The following RDH10 variants were observed in gnomAD, a reference collection of about 807,000 sequenced individuals.
The protein encoded by RDH10 is retinol dehydrogenase 10, also known as retinol dehydrogenase 10 (all-trans).
RDH10 carries 12 observed loss-of-function variants against 30.2 expected under a neutral mutation model. The ratio of observed to expected loss-of-function variants is 0.40; its 90% CI spans 0.25 to 0.64. RDH10 has a LOEUF of 0.64. RDH10 is among the 30% of genes least tolerant of loss of function. The pLI is 0.43. For missense variants in RDH10, 268 were observed against 445.2 expected (o/e 0.60, Z 3.58); for synonymous variants, 189 against 172.2 (o/e 1.10, Z -0.76).
At chr8:73,300,427 T>C (rs1417728899) in intron 2 of RDH10, 1 of 149,934 alleles carries the variant, frequency 6.7e-6, no homozygotes, top group African/African-American at 2.4e-5. Context: ...ATGTGCTGTT[T>C]TCCTTCTAGA....
At chr8:73,298,260 A>C (rs980119469) in intron 2 of RDH10, among the ~76,000 whole-genome samples, 2 of 152,170 alleles carry the variant, frequency 1.3e-5, no homozygotes, top group African/African-American at 4.8e-5. Flanking sequence ...TTGTAGACAG[A>C]TACGATTCAA....
At chr8:73,297,046 T>C in intron 1 of RDH10, 148 bp from the exon 2 acceptor site, 1 of 629,178 alleles carries the variant, frequency 1.6e-6, no homozygotes, top group East Asian at 2.8e-5. Flanking sequence ...AGCTCAGTCG[T>C]TGGCAAGCCT....
chr8:73,322,053 C>T (rs535065781), intron 4 of RDH10: 25 of 454,302 alleles, frequency 5.5e-5, no homozygotes, highest in Non-Finnish European at 1.1e-4. Context: ...CTGTTTCCTC[C>T]AGTGTAGCAT....
intron 2 of RDH10, among the ~76,000 whole-genome samples, chr8:73,310,496 C>T (rs1814545553): frequency 6.6e-6 from 1 of 152,206 alleles, no homozygotes; most frequent in Admixed American, 6.5e-5. Context: ...CTGCAGATGG[C>T]CGGAGCAGTG....
intron 2 of RDH10, chr8:73,311,579 T>C (rs1814563660): frequency 6.6e-6 from 1 of 152,244 alleles, no homozygotes. Context: ...TGTTAAGTAC[T>C]AACTGCTGAT....
chr8:73,310,037 T>A (rs1814535935), intron 2 of RDH10, among the ~76,000 whole-genome samples: 1 of 152,226 alleles, frequency 6.6e-6, no homozygotes, highest in Non-Finnish European at 1.5e-5. Context: ...TGCCTGATTC[T>A]CCCATTGGAG....
At chr8:73,314,692 G>T (rs1814629367) in intron 2 of RDH10, among the ~76,000 whole-genome samples, 1 of 152,200 alleles carries the variant, frequency 6.6e-6, no homozygotes, top group African/African-American at 2.4e-5. Context: ...AGCGGCCCTG[G>T]ATAGCTTTCT....
Position 73,297,416 on chromosome 8 carries a change from A to G in RDH10, c.512A>G (p.His171Arg). The change falls in exon 2 of 6, where the codon CAT becomes CGT. Residue 171 changes from histidine (H) to arginine (R), a missense_variant. His to Arg is a conservative substitution (Grantham distance 29). This residue lies in a region of RDH10 where 136 missense variants were observed against 288.8 expected (regional missense o/e 0.47). Transcript: ENST00000240285. ...GAGAGAACCATGATGGTCAATTGCCATGCACACTTCTGGGTAAATATAAAC... is the reference window on the plus strand; with the variant it reads ...GAGAGAACCATGATGGTCAATTGCCGTGCACACTTCTGGGTAAATATAAAC... ...LIERTMMVNC[H>R]AHFWTTKAFL... The G allele has an allele frequency of 6.2e-7, 1 of 1,607,218 alleles. No homozygotes were observed. Among genetic ancestry groups the G allele is most frequent in the Non-Finnish European group, 8.5e-7 (1 of 1,173,646 alleles).
At chr8:73,320,860 A>T in intron 3 of RDH10, 72 bp from the exon 4 acceptor site, 3 of 1,460,144 alleles carry the variant, frequency 2.1e-6, no homozygotes, top group Non-Finnish European at 2.9e-6. Flanking sequence ...TAATAGGACC[A>T]GGGAAGCTTT....
At chr8:73,312,482 C>T (rs1814580699) in intron 2 of RDH10, 1 of 152,224 alleles carries the variant, frequency 6.6e-6, no homozygotes, top group Non-Finnish European at 1.5e-5. Flanking sequence ...GGAACAGTGA[C>T]TGAGTTCTCA....
At position 73,322,797 on chromosome 8, in the gene RDH10, A is replaced by G. The variant is rs1814793276; in HGVS notation, c.889A>G (p.Thr297Ala). ...CACTCCCCGCCTCATGTACATCGTG[A>G]CCTTCATGAAGAGGTAACTGGGAGG... ...ICTPRLMYIVTFMKSILPFEA... is the reference protein window; with the variant it reads ...ICTPRLMYIVAFMKSILPFEA... The change falls in exon 5 of 6, where the codon ACC becomes GCC. Residue 297 changes from threonine (T) to alanine (A), a missense_variant. Transcript: ENST00000240285. 1 of 1,614,148 alleles carries G rather than the reference A, an allele frequency of 6.2e-7. No homozygotes were observed. The highest frequency in any genetic ancestry group is 1.6e-4 in the Middle Eastern group (1 of 6,062).
At chr8:73,305,714 G>C (rs1018312698) in intron 2 of RDH10, among the ~76,000 whole-genome samples, 1 of 152,132 alleles carries the variant, frequency 6.6e-6, no homozygotes, top group South Asian at 2.1e-4. Flanking sequence ...GTTCCACTAG[G>C]GGGTGTACTG....
chr8:73,315,925 CAAT>C (rs565988911), intron 2 of RDH10, among the ~76,000 whole-genome samples: 45 of 152,276 alleles, frequency 3.0e-4, no homozygotes, highest in African/African-American at 1.0e-3. Context: ...TGGTTAACGT[CAAT>C]AATATGTTTT....
intron 1 of RDH10, 77 bp downstream of exon 1, chr8:73,295,655 C>T (rs1814248739): frequency 1.5e-6 from 2 of 1,338,254 alleles, no homozygotes; most frequent in East Asian, 2.7e-5. Flanking sequence ...AGGCCCCAAA[C>T]CCCGCTGCCT....
At chr8:73,305,146 T>C (rs1814445545) in intron 2 of RDH10, among the ~76,000 whole-genome samples, 1 of 152,250 alleles carries the variant, frequency 6.6e-6, no homozygotes, top group South Asian at 2.1e-4. Flanking sequence ...GGCAGAGCCC[T>C]TAGCCATTCA....
chr8:73,301,261 A>G (rs1404636059), intron 2 of RDH10, among the ~76,000 whole-genome samples: 1 of 149,686 alleles, frequency 6.7e-6, no homozygotes, highest in Non-Finnish European at 1.5e-5. Flanking sequence ...CGTGTTAGCC[A>G]GGATGGTCTC....
chr8:73,313,805 G>C (rs1814614746), intron 2 of RDH10, among the ~76,000 whole-genome samples: 1 of 152,106 alleles, frequency 6.6e-6, no homozygotes, highest in African/African-American at 2.4e-5. Flanking sequence ...CTTACATTTA[G>C]CATCTAGCAA....
Position 73,295,193 on chromosome 8 carries a change from C to T in RDH10, c.-97C>T, listed in dbSNP as rs1268586002. On this transcript the variant is annotated 5_prime_UTR_variant, in exon 1 of 6. Coordinates refer to ENST00000240285, the MANE Select transcript of RDH10 (RefSeq NM_172037.5). ...CGGGGCGCAGCCTTCTCGTCCCGGC[C>T]TCTGTGACAAGCGCCCCGGAGCCGG... is the stretch of plus-strand genomic sequence containing the variant. The T allele has an allele frequency of 2.4e-6, 3 of 1,229,664 alleles. No homozygotes were observed. The highest frequency in any genetic ancestry group is 3.2e-6 in the Non-Finnish European group (3 of 925,334). The allele number at this position is 1,229,664 out of a possible 1,614,324, so 76.2% of individuals were successfully genotyped here.
chr8:73,304,326 T>C (rs948630893), intron 2 of RDH10, among the ~76,000 whole-genome samples: 1 of 152,242 alleles, frequency 6.6e-6, no homozygotes, highest in Non-Finnish European at 1.5e-5. Context: ...ACTATTTGCT[T>C]GTGCCCCTGT....
Sources: allele counts gnomAD v4.1 joint callset (sites outside exome capture counted in the v4.1 genomes callset), GRCh38; gene constraint gnomAD v4.1.1; regional missense constraint gnomAD v4.1.1; transcripts MANE v1.5; gene names NCBI Gene and HGNC (gene_info 2026-07-23, HGNC 2026-07-21).